The following SCFD1 variants were observed in gnomAD, a reference collection of about 807,000 sequenced individuals.
SCFD1 encodes sec1 family domain containing 1.
A neutral mutation model predicts 103.2 loss-of-function variants in SCFD1; 37 were observed. The observed-to-expected ratio is 0.36, with a 90% confidence interval of 0.28 to 0.47. SCFD1 has a LOEUF of 0.47. SCFD1 is among the 20% of genes least tolerant of loss of function. The pLI, the probability that SCFD1 is intolerant of heterozygous loss-of-function variation, is 1.00. For missense variants in SCFD1, 639 were observed against 761.2 expected, an observed-to-expected ratio of 0.84 and a Z score of 1.89; for synonymous variants, 264 against 245.0, an observed-to-expected ratio of 1.08 and a Z score of -0.73.
At chr14:30,680,804 C>G (rs1223693672) in intron 14 of SCFD1, among the ~76,000 whole-genome samples, 1 of 152,082 alleles carries the variant, frequency 6.6e-6, no homozygotes, top group Non-Finnish European at 1.5e-5. Flanking sequence ...AGAAGGGAAC[C>G]TCTATAGTCT....
chr14:30,649,376 T>TAA, intron 7 of SCFD1, 152 bp from the exon 8 acceptor site: 1 of 614,332 alleles, frequency 1.6e-6, no homozygotes, highest in Non-Finnish European at 2.7e-6. Flanking sequence ...TTTTAAAAAT[T>TAA]AAAAAAATGT....
chr14:30,729,015 C>T (rs1313767779), intron 23 of SCFD1, among the ~76,000 whole-genome samples: 1 of 152,002 alleles, frequency 6.6e-6, no homozygotes, highest in African/African-American at 2.4e-5. Flanking sequence ...CCACCTTGGC[C>T]TCCCAGAGTG....
intron 3 of SCFD1, among the ~76,000 whole-genome samples, chr14:30,631,274 A>ACCC (rs1482623008): frequency 6.6e-6 from 1 of 152,016 alleles, no homozygotes; most frequent in Non-Finnish European, 1.5e-5. Context: ...AATCACTTGA[A>ACCC]CCCGGGAGGC....
chr14:30,699,478 T>C (rs1236867279), intron 15 of SCFD1, among the ~76,000 whole-genome samples: 1 of 152,228 alleles, frequency 6.6e-6, no homozygotes. Context: ...TGAGTTTCTC[T>C]GGACAGTCTT....
In SCFD1 at chr14:30,706,571, A is replaced by C. The variant is rs1357312196; in HGVS notation, c.1553+686A>C. ...AATGTTGATAACTAATATAGACTTGAAGCTAGGCCTGGCTTCAGGATAGAT... is the reference window on the plus strand; with the variant it reads ...AATGTTGATAACTAATATAGACTTGCAGCTAGGCCTGGCTTCAGGATAGAT... On this transcript the variant is annotated intron_variant, in intron 18 of 24. Transcript: ENST00000458591. Among the ~76,000 whole-genome samples the C allele has an allele frequency of 2.0e-5, 3 of 152,314 alleles. 1 individual carries two copies. In the Middle Eastern group the frequency reaches 0.01, roughly 518 times the overall value.
At chr14:30,638,901 A>C (rs1019309564) in intron 5 of SCFD1, among the ~76,000 whole-genome samples, 4 of 152,216 alleles carry the variant, frequency 2.6e-5, no homozygotes, top group Non-Finnish European at 5.9e-5. Flanking sequence ...TAAAAGACTA[A>C]ACAACCATGC....
At chr14:30,663,168 T>C (rs1486577617) in intron 10 of SCFD1, among the ~76,000 whole-genome samples, 2 of 152,206 alleles carry the variant, frequency 1.3e-5, no homozygotes, top group Non-Finnish European at 2.9e-5. Flanking sequence ...TATTTTGTGT[T>C]TTAAGTATTC....
chr14:30,716,765 T>C (rs74041117), intron 20 of SCFD1, among the ~76,000 whole-genome samples: 5,582 of 152,280 alleles, frequency 0.037, 329 homozygotes, highest in African/African-American at 0.12. Context: ...TTTTTTGTAA[T>C]TGTCAGAACA....
Position 30,626,732 on chromosome 14 carries a change from C to T in SCFD1, c.62-1477C>T, listed in dbSNP as rs183463676. Among the ~76,000 whole-genome samples the T allele has an allele frequency of 3.6e-3, 541 of 152,212 alleles. 6 individuals are homozygous for T. Among genetic ancestry groups the T allele is most frequent in the African/African-American group, 0.012 (507 of 41,512 alleles). On this transcript the variant is annotated intron_variant, in intron 1 of 24. Transcript: ENST00000458591. ...AACCCTGTGTCTCATTTCCTGGCTC[C>T]GGGTCTCTTCTTAGGCCTCTCAAAC...
At chr14:30,714,405 A>C (rs1892131732) in intron 19 of SCFD1, among the ~76,000 whole-genome samples, 1 of 152,162 alleles carries the variant, frequency 6.6e-6, no homozygotes, top group Non-Finnish European at 1.5e-5. Context: ...CTTTAAAAAA[A>C]AAAATTCTGA....
intron 14 of SCFD1, among the ~76,000 whole-genome samples, chr14:30,682,276 G>A (rs1162672170): frequency 6.6e-6 from 1 of 152,190 alleles, no homozygotes; most frequent in Non-Finnish European, 1.5e-5. Flanking sequence ...CAGAAGAGAG[G>A]TAGAAGTAAA....
chr14:30,676,247 A>T (rs1197875207), intron 14 of SCFD1: 1 of 152,254 alleles, frequency 6.6e-6, no homozygotes, highest in Non-Finnish European at 1.5e-5. Context: ...TAATTTACTT[A>T]TTCAATCATG....
At chr14:30,641,827 A>G (rs1350460646) in intron 6 of SCFD1, among the ~76,000 whole-genome samples, 1 of 152,134 alleles carries the variant, frequency 6.6e-6, no homozygotes, top group Non-Finnish European at 1.5e-5. Context: ...AGTAACCACA[A>G]GTGGTATTAA....
At chr14:30,626,758 A>G (rs911590133) in intron 1 of SCFD1, among the ~76,000 whole-genome samples, 1 of 151,992 alleles carries the variant, frequency 6.6e-6, no homozygotes, top group African/African-American at 2.4e-5. Context: ...CCTCTCAAAC[A>G]TGGGTATCTT....
intron 10 of SCFD1, among the ~76,000 whole-genome samples, chr14:30,659,560 T>C (rs948227352): frequency 6.6e-6 from 1 of 152,178 alleles, no homozygotes; most frequent in Non-Finnish European, 1.5e-5. Context: ...TAGAAATGTT[T>C]GCATATGGCC....
At chr14:30,714,517 T>C (rs1005144216) in intron 19 of SCFD1, among the ~76,000 whole-genome samples, 2 of 152,212 alleles carry the variant, frequency 1.3e-5, no homozygotes, top group Non-Finnish European at 2.9e-5. Flanking sequence ...AATTTTAATT[T>C]TACTTGCCTG....
intron 17 of SCFD1, among the ~76,000 whole-genome samples, chr14:30,703,058 A>C (rs1156995253): frequency 7.4e-6 from 1 of 134,306 alleles, no homozygotes; most frequent in Non-Finnish European, 1.5e-5. Context: ...ATTGCAAAGT[A>C]AAAAAAAAAA....
chr14:30,726,833 CTT>C (rs1230434896), intron 23 of SCFD1, among the ~76,000 whole-genome samples: 2 of 152,134 alleles, frequency 1.3e-5, no homozygotes, highest in Admixed American at 1.3e-4. Flanking sequence ...CAGTATGTCT[CTT>C]TTCATTAAAG....
chr14:30,693,089 A>G (rs1329952528), intron 14 of SCFD1, among the ~76,000 whole-genome samples: 2 of 152,182 alleles, frequency 1.3e-5, no homozygotes, highest in East Asian at 1.9e-4. Context: ...AATAGTTCCT[A>G]TATCAGAGAG....
Sources: allele counts gnomAD v4.1 joint callset (sites outside exome capture counted in the v4.1 genomes callset), GRCh38; gene constraint gnomAD v4.1.1; transcripts MANE v1.5; gene names NCBI Gene and HGNC (gene_info 2026-07-23, HGNC 2026-07-21).